LOC128092253: variants seen among roughly 807,000 people sequenced by gnomAD.
At chr6:133,959,645 C>T in the LOC128092253 span, among the ~76,000 whole-genome samples, 1 of 152,120 alleles carries the variant, frequency 6.6e-6, no homozygotes, top group Admixed American at 6.5e-5. Flanking sequence ...CCACACCTGG[C>T]CATTTTTTTG....
At chr6:133,979,385 G>A in the LOC128092253 span, among the ~76,000 whole-genome samples, 259 of 152,254 alleles carry the variant, frequency 1.7e-3, 8 homozygotes, top group East Asian at 0.041. Flanking sequence ...CATGAGAAGG[G>A]TTATATGCCA....
the LOC128092253 span, among the ~76,000 whole-genome samples, chr6:133,955,636 A>G: frequency 2.0e-4 from 30 of 152,306 alleles, no homozygotes; most frequent in East Asian, 5.2e-3. Flanking sequence ...TTCTATTAAA[A>G]TAAGGTATAT....
At chr6:133,963,288 C>T in the LOC128092253 span, among the ~76,000 whole-genome samples, 3 of 152,116 alleles carry the variant, frequency 2.0e-5, no homozygotes, top group Non-Finnish European at 4.4e-5. Flanking sequence ...TCAACCCAGT[C>T]GTTCTCAACT....
chr6:133,973,199 C>A, the LOC128092253 span, among the ~76,000 whole-genome samples: 23 of 151,942 alleles, frequency 1.5e-4, no homozygotes, highest in African/African-American at 4.4e-4. Flanking sequence ...TTTGAATGGC[C>A]TGTCTTTCTT....
the LOC128092253 span, among the ~76,000 whole-genome samples, chr6:133,972,698 T>C: frequency 7.2e-5 from 11 of 152,026 alleles, no homozygotes; most frequent in Non-Finnish European, 1.5e-4. Flanking sequence ...GTTTGTTTGT[T>C]TGTTTGTTTT....
chr6:133,980,013 A>G, the LOC128092253 span: 39 of 1,159,366 alleles, frequency 3.4e-5, no homozygotes, highest in East Asian at 9.1e-4. Context: ...TTACATTTCA[A>G]TTTCAAAATT....
chr6:133,971,808 C>CAT, the LOC128092253 span, among the ~76,000 whole-genome samples: 1 of 151,906 alleles, frequency 6.6e-6, no homozygotes, highest in Non-Finnish European at 1.5e-5. Flanking sequence ...GGTTGAATTT[C>CAT]ATATATATAT....
the LOC128092253 span, among the ~76,000 whole-genome samples, chr6:133,958,468 C>T: frequency 6.6e-6 from 1 of 151,998 alleles, no homozygotes; most frequent in African/African-American, 2.4e-5. Context: ...AGAATGACTT[C>T]GTAGGATAGC....
At chr6:133,953,700 G>T in the LOC128092253 span, among the ~76,000 whole-genome samples, 2 of 152,086 alleles carry the variant, frequency 1.3e-5, no homozygotes, top group African/African-American at 4.8e-5. Context: ...ACCTGGGAGC[G>T]TTACCGAGCC....
the LOC128092253 span, among the ~76,000 whole-genome samples, chr6:133,973,309 T>G: frequency 6.6e-6 from 1 of 152,334 alleles, no homozygotes; most frequent in Non-Finnish European, 1.5e-5. Context: ...TCTTAGATCA[T>G]AGATGGTAAT....
the LOC128092253 span, among the ~76,000 whole-genome samples, chr6:133,978,042 G>T: frequency 3.3e-5 from 5 of 152,164 alleles, no homozygotes; most frequent in Non-Finnish European, 5.9e-5. Flanking sequence ...TTGCCAGGGA[G>T]GCTGACATCT....
chr6:133,966,166 T>G, the LOC128092253 span, among the ~76,000 whole-genome samples: 2 of 152,108 alleles, frequency 1.3e-5, no homozygotes, highest in Non-Finnish European at 1.5e-5. Context: ...AACCTCAAGC[T>G]TACAGTTAAA....
At chr6:133,965,530 T>G in the LOC128092253 span, among the ~76,000 whole-genome samples, 3 of 152,072 alleles carry the variant, frequency 2.0e-5, no homozygotes, top group Non-Finnish European at 4.4e-5. Flanking sequence ...CCCACTCCCC[T>G]CAGCACCACC....
At chr6:133,965,368 G>A in the LOC128092253 span, among the ~76,000 whole-genome samples, 1 of 152,102 alleles carries the variant, frequency 6.6e-6, no homozygotes, top group Non-Finnish European at 1.5e-5. Context: ...TCATAAACTT[G>A]TATCACAATT....
chr6:133,969,354 A>G, the LOC128092253 span, among the ~76,000 whole-genome samples: 9 of 146,068 alleles, frequency 6.2e-5, no homozygotes, highest in Admixed American at 6.4e-4. Flanking sequence ...CTTAATATAG[A>G]TTTTTTTAAC....
chr6:133,967,689 G>A, the LOC128092253 span, among the ~76,000 whole-genome samples: 4 of 152,144 alleles, frequency 2.6e-5, 1 homozygote, highest in South Asian at 8.3e-4. Context: ...CTAAACATAG[G>A]AAAGGTGTAG....
chr6:133,958,924 T>A, the LOC128092253 span, among the ~76,000 whole-genome samples: 5 of 152,212 alleles, frequency 3.3e-5, no homozygotes, highest in Admixed American at 3.3e-4. Context: ...TATGCTTGTA[T>A]TTAGAGGTGT....
the LOC128092253 span, among the ~76,000 whole-genome samples, chr6:133,955,767 T>G: frequency 6.6e-6 from 1 of 152,230 alleles, no homozygotes; most frequent in Non-Finnish European, 1.5e-5. Context: ...AAATTGAACC[T>G]TAGATTTTCA....
the LOC128092253 span, among the ~76,000 whole-genome samples, chr6:133,971,251 G>A: frequency 9.9e-5 from 15 of 151,538 alleles, no homozygotes; most frequent in Non-Finnish European, 1.8e-4. Context: ...GTTCACTAAC[G>A]TCACAAATGA....
Sources: gnomAD v4.1 joint callset for allele counts (sites outside exome capture counted in the v4.1 genomes callset) on GRCh38, gnomAD v4.1.1 for gene constraint, MANE v1.5 for transcripts.